The following CSMD1 variants were observed in gnomAD, a reference collection of about 807,000 sequenced individuals.
The protein encoded by CSMD1 is CUB and Sushi multiple domains 1.
In CSMD1, 213 loss-of-function variants were observed where a neutral mutation model predicts 417.5. That is an observed-to-expected ratio of 0.51 (90% CI 0.46 to 0.57). CSMD1 has a LOEUF of 0.57. Ranked by LOEUF, CSMD1 falls within the 20% of genes least tolerant of loss-of-function variation. The pLI, the probability that CSMD1 is intolerant of heterozygous loss-of-function variation, is 0.00. For synonymous variants in CSMD1, 2,862 were observed against 1,736.8 expected, an observed-to-expected ratio of 1.65 and a Z score of -16.11; for missense variants, 6,923 against 4,529.7, an observed-to-expected ratio of 1.53 and a Z score of -15.17.
intron 3 of CSMD1, among the ~76,000 whole-genome samples, chr8:4,163,753 A>T (rs1797296990): frequency 6.6e-6 from 1 of 152,170 alleles, no homozygotes; most frequent in Non-Finnish European, 1.5e-5. Flanking sequence ...TAATACTGCT[A>T]AGCTTACAAT....
chr8:3,683,313 C>G (rs1799764096), intron 7 of CSMD1, among the ~76,000 whole-genome samples: 1 of 152,162 alleles, frequency 6.6e-6, no homozygotes, highest in East Asian at 1.9e-4. Context: ...TCAGTCAAGG[C>G]AAAGTTCTTT....
chr8:4,370,204 G>A (rs750270805), intron 3 of CSMD1, among the ~76,000 whole-genome samples: 3 of 152,114 alleles, frequency 2.0e-5, no homozygotes, highest in Non-Finnish European at 2.9e-5. Flanking sequence ...GCTTATGAAG[G>A]TTAGTTTGGT....
At chr8:3,004,065 T>C (rs1014697166) in intron 52 of CSMD1, among the ~76,000 whole-genome samples, 1 of 152,088 alleles carries the variant, frequency 6.6e-6, no homozygotes, top group South Asian at 2.1e-4. Context: ...CAAAGGAGGA[T>C]AAGCAACTCT....
rs79443829 is a variant in CSMD1 at position 4,294,086 on chromosome 8, G to A, written c.415+125867C>T. On this transcript the variant is annotated intron_variant, in intron 3 of 69. Coordinates refer to ENST00000635120, the MANE Select transcript of CSMD1 (RefSeq NM_033225.6). The stretch of plus-strand genomic sequence containing the variant: ...TGCACCGAAATACTGCGAAGTTGAA[G>A]TTCTATATTCCTGTCACTGGAAAAA... Among the ~76,000 whole-genome samples, 4 of 152,278 alleles carry A rather than the reference G, an allele frequency of 2.6e-5. No homozygotes were observed. The East Asian group carries it at 7.7e-4, about 29-fold the overall frequency.
intron 3 of CSMD1, among the ~76,000 whole-genome samples, chr8:4,236,003 G>C (rs1292787344): frequency 6.8e-6 from 1 of 146,426 alleles, no homozygotes; most frequent in Non-Finnish European, 1.5e-5. Flanking sequence ...TAATCACTGT[G>C]AGCAAAGAGG....
chr8:3,011,428 A>G (rs1367918017), intron 52 of CSMD1, among the ~76,000 whole-genome samples: 2 of 152,172 alleles, frequency 1.3e-5, no homozygotes, highest in Non-Finnish European at 2.9e-5. Context: ...GATCTTTCCA[A>G]AATACAAGGC....
chr8:3,009,079 C>T (rs1479374387), intron 52 of CSMD1, among the ~76,000 whole-genome samples: 1 of 152,210 alleles, frequency 6.6e-6, no homozygotes, highest in African/African-American at 2.4e-5. Flanking sequence ...TCTCCCATGA[C>T]AGCGGACAGA....
At chr8:3,855,622 G>A (rs927378456) in intron 5 of CSMD1, among the ~76,000 whole-genome samples, 4 of 152,094 alleles carry the variant, frequency 2.6e-5, no homozygotes, top group Admixed American at 2.0e-4. Context: ...TAATTCCTAT[G>A]ACAGTTTACT....
At chr8:3,199,565 T>C in intron 33 of CSMD1, 149 bp downstream of exon 33, 1 of 363,748 alleles carries the variant, frequency 2.7e-6, no homozygotes, top group Non-Finnish European at 4.9e-6. Flanking sequence ...TATTAAATAA[T>C]TTTATTATAA....
At chr8:3,619,317 G>C (rs1802302423) in intron 7 of CSMD1, among the ~76,000 whole-genome samples, 1 of 152,080 alleles carries the variant, frequency 6.6e-6, no homozygotes, top group Non-Finnish European at 1.5e-5. Context: ...CCACTAATTA[G>C]TGAACATTTT....
At chr8:4,541,050 T>C (rs1300991368) in intron 2 of CSMD1, among the ~76,000 whole-genome samples, 2 of 152,208 alleles carry the variant, frequency 1.3e-5, no homozygotes, top group Non-Finnish European at 2.9e-5. Flanking sequence ...ACAAACTCGA[T>C]TGTTAGAAAC....
chr8:4,117,435 C>G (rs992771652), intron 3 of CSMD1, among the ~76,000 whole-genome samples: 2 of 151,982 alleles, frequency 1.3e-5, no homozygotes, highest in East Asian at 1.9e-4. Flanking sequence ...CAAGCAGGAC[C>G]GCATGCTGCA....
chr8:3,413,145 T>C (rs17066040), intron 12 of CSMD1, among the ~76,000 whole-genome samples: 15,156 of 152,252 alleles, frequency 0.1, 949 homozygotes, highest in East Asian at 0.26. Flanking sequence ...ACCTGGTATA[T>C]TGCACTGGAA....
intron 1 of CSMD1, among the ~76,000 whole-genome samples, chr8:4,705,477 T>A (rs1250873231): frequency 1.3e-5 from 2 of 152,196 alleles, no homozygotes; most frequent in Non-Finnish European, 2.9e-5. Context: ...TCCTGCTGTG[T>A]ACAATTGCAA....
At chr8:4,271,069 G>C (rs544071648) in intron 3 of CSMD1, among the ~76,000 whole-genome samples, 1 of 152,272 alleles carries the variant, frequency 6.6e-6, no homozygotes, top group East Asian at 1.9e-4. Flanking sequence ...GGTGCAGAAA[G>C]TTCAGAATGT....
At chr8:3,525,542 A>G (rs1467005902) in intron 10 of CSMD1, among the ~76,000 whole-genome samples, 1 of 152,182 alleles carries the variant, frequency 6.6e-6, no homozygotes, top group Non-Finnish European at 1.5e-5. Flanking sequence ...ATATTGGTGA[A>G]AGCGATTGCC....
At chr8:4,556,208 T>A (rs370154361) in intron 2 of CSMD1, among the ~76,000 whole-genome samples, 7 of 152,342 alleles carry the variant, frequency 4.6e-5, no homozygotes, top group South Asian at 4.1e-4. Context: ...ATTATGGGGA[T>A]ACTTTATATC....
chr8:4,489,182 G>C (rs1485897355), intron 2 of CSMD1, among the ~76,000 whole-genome samples: 4 of 152,142 alleles, frequency 2.6e-5, no homozygotes, highest in Non-Finnish European at 5.9e-5. Flanking sequence ...AAAATGCTGG[G>C]ATAACAGGCG....
At chr8:3,728,283 T>C (rs913567778) in intron 6 of CSMD1, among the ~76,000 whole-genome samples, 1 of 152,098 alleles carries the variant, frequency 6.6e-6, no homozygotes, top group African/African-American at 2.4e-5. Context: ...ATGTAAGACA[T>C]CCCTTTGCTC....
Sources: allele counts gnomAD v4.1 joint callset (sites outside exome capture counted in the v4.1 genomes callset), GRCh38; gene constraint gnomAD v4.1.1; transcripts MANE v1.5; gene names NCBI Gene and HGNC (gene_info 2026-07-23, HGNC 2026-07-21).